FBXL17: variants seen among roughly 807,000 people sequenced by gnomAD.
The protein encoded by FBXL17 is F-box and leucine rich repeat protein 17, also known as F-box/LRR-repeat protein 17.
A neutral mutation model predicts 66.2 loss-of-function variants in FBXL17; 22 were observed. The observed-to-expected ratio is 0.33, with a 90% confidence interval of 0.24 to 0.47. The LOEUF (loss-of-function observed/expected upper bound fraction) is 0.47. Ranked by LOEUF, FBXL17 falls within the 20% of genes least tolerant of loss-of-function variation. The pLI is 1.00. For missense variants in FBXL17, 878 were observed against 948.2 expected, an observed-to-expected ratio of 0.93 and a Z score of 0.97; for synonymous variants, 474 against 400.5, an observed-to-expected ratio of 1.18 and a Z score of -2.19.
Position 108,092,052 on chromosome 5 carries a change from G to A in FBXL17, c.1746-71051C>T, listed in dbSNP as rs74550443. On this transcript the variant is annotated intron_variant, in intron 6 of 8. Transcript: ENST00000542267. ...CTGGCATTAGCTTTGGCGCTGTCCT[G>A]TAATCTGCCAGGCTGAGGAAAATAT... Among the ~76,000 whole-genome samples, 528 of 152,256 alleles carry A rather than the reference G, an allele frequency of 3.5e-3. 2 individuals carry two copies. Among genetic ancestry groups the A allele is most frequent in the African/African-American group, 0.012 (509 of 41,550 alleles).
chr5:108,268,769 C>T (rs1295387856), intron 4 of FBXL17, among the ~76,000 whole-genome samples: 1 of 151,902 alleles, frequency 6.6e-6, no homozygotes, highest in Non-Finnish European at 1.5e-5. Context: ...TATGAATTAC[C>T]TTGGAATGTA....
At chr5:108,092,929 T>G (rs1561405917) in intron 6 of FBXL17, among the ~76,000 whole-genome samples, 1 of 152,216 alleles carries the variant, frequency 6.6e-6, no homozygotes, top group African/African-American at 2.4e-5. Context: ...GATTCCTATA[T>G]TATATAAACA....
At chr5:107,871,072 A>AAAAAAAAAAAAAAAAAAAAAAAC (rs1748439777) in intron 8 of FBXL17, among the ~76,000 whole-genome samples, 3 of 150,844 alleles carry the variant, frequency 2.0e-5, no homozygotes, top group Non-Finnish European at 4.4e-5. Context: ...AAAAAAAAAA[A>AAAAAAAAAAAAAAAAAAAAAAAC]AAAAAAACCT....
chr5:108,256,030 A>G (rs1756563353), intron 4 of FBXL17, among the ~76,000 whole-genome samples: 2 of 152,158 alleles, frequency 1.3e-5, no homozygotes, highest in African/African-American at 4.8e-5. Context: ...TGGAAATATG[A>G]GCTGTACTAT....
chr5:108,372,340 AAG>A (rs1465926640), intron 1 of FBXL17, among the ~76,000 whole-genome samples: 1 of 152,236 alleles, frequency 6.6e-6, no homozygotes, highest in Non-Finnish European at 1.5e-5. Context: ...ACAGAAGGAA[AAG>A]AGAGTGAAAG....
At chr5:108,020,273 GA>G (rs1367421586) in intron 7 of FBXL17, among the ~76,000 whole-genome samples, 1 of 151,738 alleles carries the variant, frequency 6.6e-6, no homozygotes, top group Non-Finnish European at 1.5e-5. Context: ...AAATGGTTAA[GA>G]AAAAATTTAC....
At chr5:108,009,743 A>C (rs140640812) in intron 7 of FBXL17, among the ~76,000 whole-genome samples, 102 of 152,332 alleles carry the variant, frequency 6.7e-4, no homozygotes, top group African/African-American at 2.2e-3. Context: ...TTAGGAAATT[A>C]GATGAACAAA....
chr5:107,988,587 C>A (rs1225623273), intron 7 of FBXL17, among the ~76,000 whole-genome samples: 1 of 151,926 alleles, frequency 6.6e-6, no homozygotes, highest in Non-Finnish European at 1.5e-5. Flanking sequence ...ATATTATTTA[C>A]CACATATAAG....
chr5:108,016,463 T>G (rs1754390628), intron 7 of FBXL17, among the ~76,000 whole-genome samples: 1 of 152,066 alleles, frequency 6.6e-6, no homozygotes, highest in East Asian at 1.9e-4. Context: ...ATCTCTAGAG[T>G]GTATTTCTAG....
intron 5 of FBXL17, among the ~76,000 whole-genome samples, chr5:108,203,930 C>T (rs1580608527): frequency 6.6e-6 from 1 of 152,220 alleles, no homozygotes; most frequent in East Asian, 1.9e-4. Flanking sequence ...TTTAACATTT[C>T]CAACCATAAG....
At chr5:108,201,226 C>T (rs373620585) in intron 5 of FBXL17, among the ~76,000 whole-genome samples, 1 of 152,246 alleles carries the variant, frequency 6.6e-6, no homozygotes, top group South Asian at 2.1e-4. Flanking sequence ...GTATAGACTT[C>T]ACACAACATT....
chr5:108,076,694 T>C (rs948472310), intron 6 of FBXL17, among the ~76,000 whole-genome samples: 1 of 152,180 alleles, frequency 6.6e-6, no homozygotes, highest in African/African-American at 2.4e-5. Context: ...AGAATCTACC[T>C]TAATACGGCA....
chr5:107,913,875 A>G (rs1274361421), intron 7 of FBXL17, among the ~76,000 whole-genome samples: 2 of 152,086 alleles, frequency 1.3e-5, no homozygotes, highest in Non-Finnish European at 2.9e-5. Flanking sequence ...ACAGTACAAG[A>G]GCATGTGCCA....
At chr5:107,997,171 A>C (rs1324056327) in intron 7 of FBXL17, among the ~76,000 whole-genome samples, 1 of 152,148 alleles carries the variant, frequency 6.6e-6, no homozygotes, top group African/African-American at 2.4e-5. Context: ...TCTGGTTTTA[A>C]ATCCTGTTTC....
chr5:108,186,073 T>C (rs1753218433), intron 6 of FBXL17, 44 bp downstream of exon 6: 1 of 1,465,798 alleles, frequency 6.8e-7, no homozygotes, highest in Non-Finnish European at 9.5e-7. Context: ...ATTTCCTAAA[T>C]GTTTTCCTCT....
intron 4 of FBXL17, among the ~76,000 whole-genome samples, chr5:108,266,883 T>C (rs928053836): frequency 6.6e-6 from 1 of 152,128 alleles, no homozygotes; most frequent in African/African-American, 2.4e-5. Flanking sequence ...TTTAGCACTA[T>C]CTGTGGTTTC....
chr5:108,306,461 ATAC>A (rs1758846236), intron 4 of FBXL17, among the ~76,000 whole-genome samples: 1 of 152,108 alleles, frequency 6.6e-6, no homozygotes, highest in African/African-American at 2.4e-5. Flanking sequence ...TACCTGAAAT[ATAC>A]TAGCTGTCAT....
chr5:108,098,884 T>C (rs931668593), intron 6 of FBXL17, among the ~76,000 whole-genome samples: 58 of 152,282 alleles, frequency 3.8e-4, no homozygotes, highest in African/African-American at 1.3e-3. Flanking sequence ...TACATGTTGA[T>C]ATCATGTTTA....
At chr5:108,248,205 T>G (rs1371091666) in intron 4 of FBXL17, among the ~76,000 whole-genome samples, 1 of 152,132 alleles carries the variant, frequency 6.6e-6, no homozygotes, top group African/African-American at 2.4e-5. Flanking sequence ...CTTTAACAAT[T>G]ATAGACATAC....
Sources: allele counts gnomAD v4.1 joint callset (sites outside exome capture counted in the v4.1 genomes callset), GRCh38; gene constraint gnomAD v4.1.1; transcripts MANE v1.5; gene names NCBI Gene and HGNC (gene_info 2026-07-23, HGNC 2026-07-21).